PLGRKT: variants seen among roughly 807,000 people sequenced by gnomAD.
The protein encoded by PLGRKT is plasminogen receptor with a C-terminal lysine.
A neutral mutation model predicts 18.5 loss-of-function variants in PLGRKT; 22 were observed. That is an observed-to-expected ratio of 1.19 (90% confidence interval 0.85 to 1.70). The LOEUF (loss-of-function observed/expected upper bound fraction) is 1.70, where lower values mean the gene tolerates loss of function less well. Ranked by LOEUF, PLGRKT falls within the 40% of genes most tolerant of loss-of-function variation. The pLI, the probability that PLGRKT is intolerant of heterozygous loss-of-function variation, is 0.00. For missense variants in PLGRKT, 235 were observed against 174.4 expected (o/e 1.35, Z -1.96); for synonymous variants, 72 against 52.8 (o/e 1.36, Z -1.58).
intron 3 of PLGRKT, among the ~76,000 whole-genome samples, chr9:5,378,119 A>G (rs1426172916): frequency 6.6e-6 from 1 of 152,204 alleles, no homozygotes; most frequent in Non-Finnish European, 1.5e-5. Flanking sequence ...AAGATAGTCA[A>G]CCTGGTTCTT....
chr9:5,389,187 A>T (rs1817900154), intron 3 of PLGRKT, among the ~76,000 whole-genome samples: 1 of 151,972 alleles, frequency 6.6e-6, no homozygotes, highest in Non-Finnish European at 1.5e-5. Context: ...ATTTACTTAG[A>T]AGCAGGAAGA....
upstream of PLGRKT, among the ~76,000 whole-genome samples, chr9:5,438,294 C>A (rs78840457): frequency 3.2e-3 from 483 of 152,364 alleles, 1 homozygote; most frequent in African/African-American, 0.01. Context: ...CCAGCAATTT[C>A]TATCTTGAAT....
At chr9:5,404,431 A>G (rs1818217508) in intron 3 of PLGRKT, among the ~76,000 whole-genome samples, 1 of 152,210 alleles carries the variant, frequency 6.6e-6, no homozygotes, top group Admixed American at 6.5e-5. Flanking sequence ...ATCCATCCCA[A>G]TCAAGATGGC....
At chr9:5,423,654 C>G (rs1298186008) in intron 3 of PLGRKT, among the ~76,000 whole-genome samples, 2 of 151,870 alleles carry the variant, frequency 1.3e-5, no homozygotes, top group African/African-American at 4.8e-5. Context: ...CCCCAGGTAC[C>G]TCAACTACAG....
intron 3 of PLGRKT, among the ~76,000 whole-genome samples, chr9:5,373,489 G>C (rs1817568183): frequency 6.6e-6 from 1 of 152,150 alleles, no homozygotes; most frequent in South Asian, 2.1e-4. Flanking sequence ...GAAAGACCAG[G>C]TCAAGCTTTT....
intron 3 of PLGRKT, among the ~76,000 whole-genome samples, chr9:5,427,085 T>C (rs558211222): frequency 6.6e-6 from 1 of 152,356 alleles, no homozygotes; most frequent in South Asian, 2.1e-4. Context: ...AAATATTAAA[T>C]GGAAAATTTC....
At chr9:5,402,596 G>A (rs1393640783) in intron 3 of PLGRKT, among the ~76,000 whole-genome samples, 8 of 151,882 alleles carry the variant, frequency 5.3e-5, no homozygotes, top group Non-Finnish European at 1.2e-4. Flanking sequence ...AGTGTGGAGG[G>A]TCAGACTCAG....
chr9:5,385,429 C>T (rs1309078098), intron 3 of PLGRKT, among the ~76,000 whole-genome samples: 1 of 151,532 alleles, frequency 6.6e-6, no homozygotes, highest in Non-Finnish European at 1.5e-5. Flanking sequence ...ATCTCCTGAC[C>T]TCATGATCCT....
At chr9:5,421,461 T>G (rs1288596266) in intron 3 of PLGRKT, among the ~76,000 whole-genome samples, 2 of 152,234 alleles carry the variant, frequency 1.3e-5, no homozygotes, top group African/African-American at 4.8e-5. Context: ...TTTGTTGGTT[T>G]GTTGCATGTG....
intron 3 of PLGRKT, among the ~76,000 whole-genome samples, chr9:5,402,791 T>C (rs1350442638): frequency 1.3e-5 from 2 of 151,948 alleles, no homozygotes; most frequent in African/African-American, 4.9e-5. Flanking sequence ...TTTTATAAAG[T>C]GTAAAAGTAG....
chr9:5,364,239 T>G (rs543061751), intron 3 of PLGRKT, among the ~76,000 whole-genome samples: 1 of 152,296 alleles, frequency 6.6e-6, no homozygotes, highest in African/African-American at 2.4e-5. Context: ...GGCTTCCAGA[T>G]AGTTCCCGTG....
intron 3 of PLGRKT, among the ~76,000 whole-genome samples, chr9:5,420,188 G>A (rs1036870970): frequency 6.6e-6 from 1 of 152,230 alleles, no homozygotes; most frequent in Non-Finnish European, 1.5e-5. Flanking sequence ...CATTGAGGCA[G>A]AAAGCAGATG....
chr9:5,407,308 A>C (rs964443339), intron 3 of PLGRKT, among the ~76,000 whole-genome samples: 6 of 152,182 alleles, frequency 3.9e-5, no homozygotes, highest in African/African-American at 1.4e-4. Flanking sequence ...AACTGAACCT[A>C]CCCATGAACT....
chr9:5,392,578 T>G (rs1393970030), intron 3 of PLGRKT: 1 of 151,976 alleles, frequency 6.6e-6, no homozygotes, highest in Non-Finnish European at 1.5e-5. Context: ...GATTTGAATC[T>G]GAGCTCCCCT....
intron 3 of PLGRKT, among the ~76,000 whole-genome samples, chr9:5,368,111 G>C (rs938545462): frequency 6.6e-6 from 1 of 152,170 alleles, no homozygotes; most frequent in Non-Finnish European, 1.5e-5. Flanking sequence ...GCAGAGAAGA[G>C]GGAATGCTTA....
intron 3 of PLGRKT, among the ~76,000 whole-genome samples, chr9:5,426,081 C>G (rs1311201757): frequency 6.6e-6 from 1 of 152,182 alleles, no homozygotes; most frequent in East Asian, 1.9e-4. Flanking sequence ...ACAACATCTT[C>G]TAGCCCAGTA....
intron 3 of PLGRKT, among the ~76,000 whole-genome samples, chr9:5,382,350 A>T (rs1817763224): frequency 6.6e-6 from 1 of 152,240 alleles, no homozygotes; most frequent in African/African-American, 2.4e-5. Context: ...AGAGCTAGTT[A>T]ACCAGTCCTG....
intron 3 of PLGRKT, among the ~76,000 whole-genome samples, chr9:5,369,146 A>T (rs942370589): frequency 2.0e-5 from 3 of 152,260 alleles, no homozygotes; most frequent in Admixed American, 6.5e-5. Flanking sequence ...ACAGCAAAAG[A>T]AACTATCATC....
chr9:5,379,821 C>T (rs1817702605), intron 3 of PLGRKT, among the ~76,000 whole-genome samples: 1 of 152,120 alleles, frequency 6.6e-6, no homozygotes, highest in Admixed American at 6.6e-5. Context: ...CAGAAGAGTA[C>T]AGTAGTTTTA....
Sources: gnomAD v4.1 joint callset for allele counts (sites outside exome capture counted in the v4.1 genomes callset) on GRCh38, gnomAD v4.1.1 for gene constraint, MANE v1.5 for transcripts, NCBI Gene and HGNC (gene_info 2026-07-23, HGNC 2026-07-21) for gene names.